ARNT: variants seen among roughly 807,000 people sequenced by gnomAD.
ARNT encodes the protein aryl hydrocarbon receptor nuclear translocator, also known as class E basic helix-loop-helix protein 2.
A neutral mutation model predicts 105.0 loss-of-function variants in ARNT; 30 were observed. The ratio of observed to expected loss-of-function variants is 0.29; its 90% CI spans 0.21 to 0.39. The LOEUF is 0.39. ARNT is among the 10% of genes least tolerant of loss of function. The pLI is 1.00. For missense variants in ARNT, 748 were observed against 978.7 expected, an observed-to-expected ratio of 0.76 and a Z score of 3.15; for synonymous variants, 304 against 344.0, an observed-to-expected ratio of 0.88 and a Z score of 1.29.
chr1:150,876,568 G>T lies in ARNT; in HGVS notation c.-1C>A, dbSNP rs1186866531. The T allele has an allele frequency of 6.5e-7, 1 of 1,545,644 alleles. No homozygotes were observed. Among genetic ancestry groups the T allele is most frequent in the Non-Finnish European group, 8.7e-7 (1 of 1,146,008 alleles). On this transcript the variant is annotated 5_prime_UTR_variant, in exon 1 of 22. Coordinates refer to ENST00000358595, the MANE Select transcript of ARNT (RefSeq NM_001668.4). ...CGGGGTTGGCAGTAGTCGCCGCCATGGCCGCAGATGCCACCGCCGCCGCGC... is the reference window on the plus strand; with the variant it reads ...CGGGGTTGGCAGTAGTCGCCGCCATTGCCGCAGATGCCACCGCCGCCGCGC...
At chr1:150,822,090 C>T (rs879661511) in intron 14 of ARNT, among the ~76,000 whole-genome samples, 4 of 152,002 alleles carry the variant, frequency 2.6e-5, no homozygotes, top group Non-Finnish European at 5.9e-5. Context: ...TCATGTATGA[C>T]ATGGCTAACT....
At position 150,822,345 on chromosome 1, in the gene ARNT, A is replaced by G. The variant is rs1571218036; in HGVS notation, c.1394+849T>C. On this transcript the variant is annotated intron_variant, in intron 14 of 21. Transcript: ENST00000358595. ...TCAAGATGGGGGCTCATCTCTGGAA[A>G]GATCAAGGTAAAATTAGAGGGCTGG... Among the ~76,000 whole-genome samples, 5 of 152,280 alleles carry G rather than the reference A, an allele frequency of 3.3e-5. No individual in the cohort carries two copies. The South Asian group carries it at 6.2e-4, about 19-fold the overall frequency.
chr1:150,813,165 C>T lies in ARNT; in HGVS notation c.2280+7G>A. The T allele has an allele frequency of 1.2e-6, 2 of 1,611,556 alleles. No individual in the cohort carries two copies. The highest frequency in any genetic ancestry group is 1.7e-6 in the Non-Finnish European group (2 of 1,178,886). ...TCTAATTTTTGAAAGTCTTTTCACT[C>T]TCTTACCTGGAAGACCTCAGGCTGG... is the stretch of plus-strand genomic sequence containing the variant. On this transcript the variant is annotated splice_region_variant and intron_variant, in intron 21 of 21. Coordinates refer to ENST00000358595, the MANE Select transcript of ARNT (RefSeq NM_001668.4).
chr1:150,840,172 T>C (rs1661020740), intron 5 of ARNT, among the ~76,000 whole-genome samples: 1 of 151,214 alleles, frequency 6.6e-6, no homozygotes, highest in Non-Finnish European at 1.5e-5. Flanking sequence ...ATCTGGGAGG[T>C]GGAGGTTGCA....
At chr1:150,831,765 CTG>C in intron 10 of ARNT, 51 bp downstream of exon 10, 4 of 1,269,268 alleles carry the variant, frequency 3.2e-6, no homozygotes, top group South Asian at 1.3e-5. Flanking sequence ...TTCATGGACT[CTG>C]TGAGGAACCA....
At chr1:150,850,150 G>A (rs1663051267) in intron 3 of ARNT, among the ~76,000 whole-genome samples, 1 of 152,138 alleles carries the variant, frequency 6.6e-6, no homozygotes. Flanking sequence ...CACTTTGGGA[G>A]GCCGAGGAGG....
chr1:150,832,464 A>C lies in ARNT; in HGVS notation c.804-65T>G. ...CCCTATCAAAGAACTTTCCACAGTA[A>C]TAGCAGAATAACATGCTCTGGATAC... On this transcript the variant is annotated intron_variant, in intron 8 of 21. Coordinates refer to ENST00000358595, the MANE Select transcript of ARNT (RefSeq NM_001668.4). 3 of 1,448,822 alleles carry C rather than the reference A, an allele frequency of 2.1e-6. No homozygotes were observed. In the Admixed American group the frequency reaches 5.0e-5, roughly 24 times the overall value. 89.7% of individuals were successfully genotyped at this position (1,448,822 alleles called of 1,614,324 possible). A position where few individuals can be genotyped will look rare whatever the true frequency, so the allele number is the denominator to read the frequency against.
At chr1:150,870,434 G>A (rs1327004039) in intron 1 of ARNT, among the ~76,000 whole-genome samples, 1 of 152,072 alleles carries the variant, frequency 6.6e-6, no homozygotes, top group Non-Finnish European at 1.5e-5. Flanking sequence ...TGTAAGCACT[G>A]CAATGCTCTG....
chr1:150,842,360 A>G lies in ARNT; in HGVS notation c.272+64T>C, dbSNP rs374457477. ...GAGAAAGGGGAAGAAAAGAAAGAGTAAGAAAAAGGATAGAAAAAGCAGCAT... is the reference window on the plus strand; with the variant it reads ...GAGAAAGGGGAAGAAAAGAAAGAGTGAGAAAAAGGATAGAAAAAGCAGCAT... On this transcript the variant is annotated intron_variant, in intron 5 of 21. Coordinates refer to ENST00000358595, the MANE Select transcript of ARNT (RefSeq NM_001668.4). The G allele has an allele frequency of 6.4e-6, 10 of 1,573,846 alleles. No homozygotes were observed. In the African/African-American group the frequency reaches 1.4e-4, roughly 22 times the overall value.
chr1:150,827,842 T>A (rs1658586429), intron 12 of ARNT, among the ~76,000 whole-genome samples: 3 of 152,224 alleles, frequency 2.0e-5, no homozygotes, highest in Non-Finnish European at 4.4e-5. Flanking sequence ...TCACCAATAC[T>A]TTTTGATTAC....
At chr1:150,876,151 T>C (rs1668206315) in intron 1 of ARNT, among the ~76,000 whole-genome samples, 1 of 152,216 alleles carries the variant, frequency 6.6e-6, no homozygotes, top group Admixed American at 6.5e-5. Context: ...CAAACTACTC[T>C]TAAAGTAAAC....
At chr1:150,815,828 C>T (rs1655738949) in intron 19 of ARNT, among the ~76,000 whole-genome samples, 2 of 144,196 alleles carry the variant, frequency 1.4e-5, no homozygotes, top group African/African-American at 5.1e-5. Context: ...CGCACCACTG[C>T]ACTCTAGCCT....
intron 2 of ARNT, 39 bp from the exon 3 acceptor site, chr1:150,852,845 T>TAATACAAAACATTAA (rs775719165): frequency 6.9e-5 from 112 of 1,611,928 alleles, no homozygotes; most frequent in Non-Finnish European, 9.3e-5. Flanking sequence ...AGCCTGCTGA[T>TAATACAAAACATTAA]AATACAAAAC....
At chr1:150,860,790 G>A (rs1477105400) in intron 1 of ARNT, among the ~76,000 whole-genome samples, 1 of 151,950 alleles carries the variant, frequency 6.6e-6, no homozygotes, top group Non-Finnish European at 1.5e-5. Flanking sequence ...CCAGGAGGCG[G>A]AGACTGCAGT....
At position 150,839,158 on chromosome 1, in the gene ARNT, T is replaced by G. The variant is rs74777809; in HGVS notation, c.486+283A>C. On this transcript the variant is annotated intron_variant, in intron 6 of 21. Coordinates refer to ENST00000358595, the MANE Select transcript of ARNT (RefSeq NM_001668.4). ...AGAAAGAAAATTGGTTCCATGGACA[T>G]AGTCATTTCCTCTGTGATTCCACTG... Among the ~76,000 whole-genome samples the G allele has an allele frequency of 5.2e-3, 794 of 152,322 alleles. 6 individuals carry two copies. Among genetic ancestry groups the G allele is most frequent in the African/African-American group, 0.018 (749 of 41,582 alleles).
At chr1:150,844,499 C>T (rs886514146) in intron 4 of ARNT, among the ~76,000 whole-genome samples, 13 of 152,294 alleles carry the variant, frequency 8.5e-5, no homozygotes, top group African/African-American at 2.2e-4. Context: ...AATCTCTCTA[C>T]ATCAACGGTT....
intron 1 of ARNT, among the ~76,000 whole-genome samples, chr1:150,865,386 ACTAAATC>A (rs1666395723): frequency 6.6e-6 from 1 of 152,208 alleles, no homozygotes; most frequent in African/African-American, 2.4e-5. Flanking sequence ...ATCGACAAGA[ACTAAATC>A]CTAAACTGAC....
At chr1:150,846,240 T>G in intron 4 of ARNT, 23 bp downstream of exon 4, 1 of 1,590,090 alleles carries the variant, frequency 6.3e-7, no homozygotes, top group Non-Finnish European at 8.6e-7. Context: ...TATATTACAA[T>G]ATATTACCTA....
intron 1 of ARNT, among the ~76,000 whole-genome samples, chr1:150,870,211 T>C (rs1485358267): frequency 1.3e-5 from 2 of 152,200 alleles, no homozygotes; most frequent in Admixed American, 6.5e-5. Context: ...TAATAATACT[T>C]ACCTAATACG....
Sources: allele counts gnomAD v4.1 joint callset (sites outside exome capture counted in the v4.1 genomes callset), GRCh38; gene constraint gnomAD v4.1.1; transcripts MANE v1.5; gene names NCBI Gene and HGNC (gene_info 2026-07-23, HGNC 2026-07-21).